SSNA1: variants seen among roughly 807,000 people sequenced by gnomAD.
The protein encoded by SSNA1 is microtubule nucleation factor SSNA1.
SSNA1 carries 13 observed loss-of-function variants against 13.3 expected under a neutral mutation model. That is an observed-to-expected ratio of 0.97 (90% CI 0.63 to 1.55). SSNA1 has a LOEUF of 1.55. SSNA1 is among the 40% of genes most tolerant of loss of function. The probability of loss-of-function intolerance (pLI) is 0.00; values close to 1 mark genes in which losing one functional copy is unlikely to be tolerated. For missense variants in SSNA1, 186 were observed against 152.7 expected (o/e 1.22, Z -1.15); for synonymous variants, 89 against 65.9 (o/e 1.35, Z -1.70).
At position 137,188,706 on chromosome 9, in the gene SSNA1, G is replaced by C; in HGVS notation, c.-21G>C. ...TGCTTCCGCGGCGGTTGGGGTGGTG[G>C]GGCCCCGGGCGGCGTTGACCATGAC... On this transcript the variant is annotated 5_prime_UTR_variant, in exon 1 of 3. Coordinates refer to ENST00000322310, the MANE Select transcript of SSNA1 (RefSeq NM_003731.3). 2 of 1,577,922 alleles carry C rather than the reference G, an allele frequency of 1.3e-6. No homozygotes were observed. Among genetic ancestry groups the C allele is most frequent in the Non-Finnish European group, 1.7e-6 (2 of 1,170,554 alleles).
rs1834539472 is a variant in SSNA1, at chr9:137,188,725, C to T, written c.-2C>T. 1.3e-6 allele frequency: 2 copies of T among 1,584,690 alleles called. No homozygotes were observed. Among genetic ancestry groups the T allele is most frequent in the Non-Finnish European group, 1.7e-6 (2 of 1,173,302 alleles). ...GTGGTGGGGCCCCGGGCGGCGTTGACCATGACCCAGCAGGGCGCGGCGCTG... is the reference window on the plus strand; with the variant it reads ...GTGGTGGGGCCCCGGGCGGCGTTGATCATGACCCAGCAGGGCGCGGCGCTG... On this transcript the variant is annotated 5_prime_UTR_variant, in exon 1 of 3. Transcript: ENST00000322310.
At position 137,190,158 on chromosome 9, in the gene SSNA1, G is replaced by C. The variant is rs565975319; in HGVS notation, c.*244G>C. On this transcript the variant is annotated 3_prime_UTR_variant, in exon 3 of 3. Transcript: ENST00000322310. ...TGGGCTCCAGGTCAGCTCTGCAAGG[G>C]GCTTGTCTCTGTGGCACCCACACTC... 2.1e-6 allele frequency: 1 copy of C among 486,478 alleles called. No individual in the cohort carries two copies. The highest frequency in any genetic ancestry group is 3.5e-5 in the Admixed American group (1 of 28,710). The allele number at this position is 486,478 out of a possible 1,614,324, so 30.1% of individuals were successfully genotyped here. A position where few individuals can be genotyped will look rare whatever the true frequency, so the allele number is the denominator to read the frequency against.
chr9:137,188,845 G>A, intron 1 of SSNA1, 67 bp downstream of exon 1: 2 of 1,487,290 alleles, frequency 1.3e-6, no homozygotes, highest in Non-Finnish European at 1.8e-6. Context: ...CTCGCAGCGG[G>A]GTGCCCCTGG....
rs1243150171 is a variant in SSNA1, at chr9:137,188,692, C to T, written c.-35C>T. ...GGCGCGGACAGCGCTGCTTCCGCGGCGGTTGGGGTGGTGGGGCCCCGGGCG... is the reference window on the plus strand; with the variant it reads ...GGCGCGGACAGCGCTGCTTCCGCGGTGGTTGGGGTGGTGGGGCCCCGGGCG... On this transcript the variant is annotated 5_prime_UTR_variant, in exon 1 of 3. Transcript: ENST00000322310. 2.5e-6 allele frequency: 4 copies of T among 1,573,418 alleles called. No individual in the cohort carries two copies. The highest frequency in any genetic ancestry group is 1.4e-5 in the African/African-American group (1 of 72,128).
Position 137,189,871 on chromosome 9 carries a change from C to A in SSNA1, c.317C>A (p.Ala106Asp), listed in dbSNP as rs770932635. 2 of 1,613,874 alleles carry A rather than the reference C, an allele frequency of 1.2e-6. No homozygotes were observed. Among genetic ancestry groups the A allele is most frequent in the East Asian group, 2.2e-5 (1 of 44,904 alleles). The change falls in exon 3 of 3, where the codon GCT becomes GAT. Residue 106 changes from alanine (A) to aspartate (D), a missense_variant. Ala to Asp is a moderately radical substitution (Grantham distance 126). Coordinates refer to ENST00000322310, the MANE Select transcript of SSNA1 (RefSeq NM_003731.3). ...AGGGAAGCTGGGAACCTGACCAAGGCTACAGCCCCAGACCAGAAAAGTAGC... is the reference window on the plus strand; with the variant it reads ...AGGGAAGCTGGGAACCTGACCAAGGATACAGCCCCAGACCAGAAAAGTAGC... ...LKREAGNLTK[A>D]TAPDQKSSGG...
intron 1 of SSNA1, 52 bp downstream of exon 1, chr9:137,188,830 C>A (rs746208081): frequency 4.0e-6 from 6 of 1,512,328 alleles, no homozygotes; most frequent in Non-Finnish European, 5.3e-6. Flanking sequence ...GGGCCGGGTT[C>A]CCGGCTCGCA....
At chr9:137,189,732 AGT>A in intron 2 of SSNA1, 73 bp from the exon 3 acceptor site, 1 of 1,366,634 alleles carries the variant, frequency 7.3e-7, no homozygotes, top group Non-Finnish European at 1.0e-6. Context: ...CCAGCACCTG[AGT>A]GTGAGGACAG....
chr9:137,189,226 C>G lies in SSNA1; in HGVS notation c.213C>G (p.Phe71Leu). 1 of 1,613,164 alleles carries G rather than the reference C, an allele frequency of 6.2e-7. No homozygotes were observed. Among genetic ancestry groups the G allele is most frequent in the African/African-American group, 1.3e-5 (1 of 75,066 alleles). Residue 71 changes from phenylalanine (F) to leucine (L), a missense_variant, in exon 2 of 3, where the codon TTC (phenylalanine) becomes TTG (leucine). By Grantham distance (22) the Phe-to-Leu change is conservative. Coordinates refer to ENST00000322310, the MANE Select transcript of SSNA1 (RefSeq NM_003731.3). ...GCAAGATTGCCTCTCGCAACGAGTT[C>G]GACCGGACCATCGCGGAGACGGAGG... ...LARKIASRNEFDRTIAETEAA... is the reference protein window; with the variant it reads ...LARKIASRNELDRTIAETEAA...
Position 137,188,973 on chromosome 9 carries a change from G to A in SSNA1, c.53-93G>A, listed in dbSNP as rs192819233. 4.8e-4 allele frequency: 708 copies of A among 1,463,370 alleles called. 15 individuals are homozygous for A. The East Asian group carries it at 0.017, about 36-fold the overall frequency. The allele number at this position is 1,463,370 out of a possible 1,614,324, so 90.6% of individuals were successfully genotyped here. A position where few individuals can be genotyped will look rare whatever the true frequency, so the allele number is the denominator to read the frequency against. ...CCCGCGCCGGGCGCTCGGGGGTGGT[G>A]CCTGACTCTGGCTTCCTCGGGTGGA... On this transcript the variant is annotated intron_variant, in intron 1 of 2. Transcript: ENST00000322310.
chr9:137,190,283 CAG>C lies in SSNA1; in HGVS notation c.*370_*371del, dbSNP rs1290289827. 1.1e-5 allele frequency: 3 copies of C among 268,456 alleles called. No individual in the cohort carries two copies. Among genetic ancestry groups the C allele is most frequent in the Non-Finnish European group, 2.2e-5 (3 of 137,036 alleles). 16.6% of individuals were successfully genotyped at this position (268,456 alleles called of 1,614,324 possible). A position where few individuals can be genotyped will look rare whatever the true frequency, so the allele number is the denominator to read the frequency against. The stretch of plus-strand genomic sequence containing the variant: ...AGGCCCAGGGCAAGGGACAGGAGGA[CAG>C]GGGTTCTCCTTCACCACAGAACCCA... On this transcript the variant is annotated 3_prime_UTR_variant, in exon 3 of 3. Transcript: ENST00000322310.
chr9:137,189,660 C>T (rs1312747602), intron 2 of SSNA1, 147 bp from the exon 3 acceptor site: 1 of 697,350 alleles, frequency 1.4e-6, no homozygotes. Context: ...GTCTGCCAGT[C>T]CCCTTGGGCT....
At chr9:137,189,328 A>C in intron 2 of SSNA1, 63 bp downstream of exon 2, 1 of 1,584,966 alleles carries the variant, frequency 6.3e-7, no homozygotes, top group Non-Finnish European at 8.6e-7. Context: ...TTGCCACGGC[A>C]AGGCGTCAGG....
Position 137,188,677 on chromosome 9 carries a change from G to T in SSNA1, c.-50G>T, listed in dbSNP as rs768862405. 1.3e-6 allele frequency: 2 copies of T among 1,571,696 alleles called. No individual in the cohort carries two copies. The highest frequency in any genetic ancestry group is 3.5e-5 in the Admixed American group (2 of 56,770). On this transcript the variant is annotated 5_prime_UTR_variant, in exon 1 of 3. Coordinates refer to ENST00000322310, the MANE Select transcript of SSNA1 (RefSeq NM_003731.3). ...GGGGAGTCGTGCGCAGGCGCGGACAGCGCTGCTTCCGCGGCGGTTGGGGTG... is the reference window on the plus strand; with the variant it reads ...GGGGAGTCGTGCGCAGGCGCGGACATCGCTGCTTCCGCGGCGGTTGGGGTG...
chr9:137,189,238 C>G lies in SSNA1; in HGVS notation c.225C>G (p.Ile75Met). Residue 75 changes from isoleucine (I) to methionine (M), a missense_variant, in exon 2 of 3, where the codon ATC (isoleucine) becomes ATG (methionine). Physicochemically the swap from Ile to Met is conservative, Grantham distance 10. Transcript: ENST00000322310. ...CTCGCAACGAGTTCGACCGGACCATCGCGGAGACGGAGGCCGCCTACCTCA... is the reference window on the plus strand; with the variant it reads ...CTCGCAACGAGTTCGACCGGACCATGGCGGAGACGGAGGCCGCCTACCTCA... ...IASRNEFDRT[I>M]AETEAAYLKI... 1.2e-6 allele frequency: 2 copies of G among 1,613,122 alleles called. No individual in the cohort carries two copies. Among genetic ancestry groups the G allele is most frequent in the East Asian group, 4.5e-5 (2 of 44,888 alleles).
chr9:137,189,973 T>G lies in SSNA1; in HGVS notation c.*59T>G, dbSNP rs1834576521. ...CCTCAGCTCAGCCCCAGCAAGTGTGTGCTCAGAGCATCTTTGTTCTTCACG... is the reference window on the plus strand; with the variant it reads ...CCTCAGCTCAGCCCCAGCAAGTGTGGGCTCAGAGCATCTTTGTTCTTCACG... On this transcript the variant is annotated 3_prime_UTR_variant, in exon 3 of 3. Transcript: ENST00000322310. 3 of 1,446,806 alleles carry G rather than the reference T, an allele frequency of 2.1e-6. No homozygotes were observed. Among genetic ancestry groups the G allele is most frequent in the Non-Finnish European group, 2.9e-6 (3 of 1,033,786 alleles). 89.6% of individuals were successfully genotyped at this position (1,446,806 alleles called of 1,614,324 possible).
intron 2 of SSNA1, 37 bp from the exon 3 acceptor site, chr9:137,189,770 G>A (rs760733358): frequency 4.4e-6 from 7 of 1,592,872 alleles, no homozygotes; most frequent in South Asian, 1.1e-5. Flanking sequence ...TTACCAACAG[G>A]TGAACATTAA....
intron 1 of SSNA1, 114 bp downstream of exon 1, chr9:137,188,892 G>A: frequency 2.2e-6 from 3 of 1,344,880 alleles, no homozygotes; most frequent in Non-Finnish European, 2.9e-6. Flanking sequence ...GCTGAGCAGA[G>A]CCCTCCGTGC....
chr9:137,189,377 G>A (rs1338223873), intron 2 of SSNA1, 112 bp downstream of exon 2: 4 of 1,297,692 alleles, frequency 3.1e-6, no homozygotes, highest in African/African-American at 1.5e-5. Context: ...TCTGTGCCTC[G>A]CTGGCATTTC....
At chr9:137,188,936 T>C in intron 1 of SSNA1, 130 bp from the exon 2 acceptor site, 1 of 1,326,748 alleles carries the variant, frequency 7.5e-7, no homozygotes, top group South Asian at 1.6e-5. Context: ...GAGCCCTCGC[T>C]GGCTCGCAGG....
Sources: gnomAD v4.1 joint callset for allele counts on GRCh38, gnomAD v4.1.1 for gene constraint, MANE v1.5 for transcripts, NCBI Gene and HGNC (gene_info 2026-07-23, HGNC 2026-07-21) for gene names.